HOOK3: variants seen among roughly 807,000 people sequenced by gnomAD.
HOOK3 encodes hook microtubule tethering protein 3.
A neutral mutation model predicts 116.3 loss-of-function variants in HOOK3; 24 were observed. The observed-to-expected ratio is 0.21, with a 90% CI of 0.15 to 0.29. The LOEUF is 0.29. Among genes scored for constraint, HOOK3 ranks in the 10% least tolerant of loss-of-function variants. The pLI is 1.00. For missense variants in HOOK3, 632 were observed against 830.2 expected (o/e 0.76, Z 2.93); for synonymous variants, 275 against 283.0 (o/e 0.97, Z 0.28).
chr8:42,940,196 G>GA (rs571747543), intron 4 of HOOK3, among the ~76,000 whole-genome samples: 7,211 of 152,298 alleles, frequency 0.047, 344 homozygotes, highest in African/African-American at 0.12. Context: ...AGGCACCATT[G>GA]GCACTGAGTG....
chr8:43,029,716 T>C lies in HOOK3; in HGVS notation c.*11218T>C. ...GCCTTAGTTTGATTAATAAATTATA[T>C]CAAAAAACTTGGGGATAGAAAGAGG... On this transcript the variant is annotated 3_prime_UTR_variant, in exon 22 of 22. Transcript: ENST00000307602. The C allele has an allele frequency of 5.1e-6, 1 of 197,364 alleles. No individual in the cohort carries two copies. The highest frequency in any genetic ancestry group is 1.0e-5 in the Non-Finnish European group (1 of 95,286). 12.2% of individuals were successfully genotyped at this position (197,364 alleles called of 1,614,324 possible). A position where few individuals can be genotyped will look rare whatever the true frequency, so the allele number is the denominator to read the frequency against.
In HOOK3 at chr8:42,966,515, G is replaced by C. The variant is rs773314997; in HGVS notation, c.822G>C (p.Glu274Asp). The change falls in exon 10 of 22, where the codon GAG becomes GAC. Residue 274 changes from glutamate (E) to aspartate (D), a missense_variant. Physicochemically the swap from Glu to Asp is conservative, Grantham distance 45. Around this residue, in one of 3 missense-constraint regions of HOOK3, gnomAD observed 483 missense variants for 648.1 expected, o/e 0.75. Transcript: ENST00000307602. ...ATGATTATCGAATACGTTGTGAAGA[G>C]TTAGAAAAGGAGATCTCTGAACTTC... ...AKDDYRIRCE[E>D]LEKEISELRQ... 7.4e-6 allele frequency: 12 copies of C among 1,614,158 alleles called. No homozygotes were observed. Among genetic ancestry groups the C allele is most frequent in the Non-Finnish European group, 9.3e-6 (11 of 1,179,992 alleles).
At chr8:42,926,590 T>C (rs1014906719) in intron 3 of HOOK3, among the ~76,000 whole-genome samples, 1 of 152,192 alleles carries the variant, frequency 6.6e-6, no homozygotes, top group Non-Finnish European at 1.5e-5. Context: ...CCGGCCTATA[T>C]TTTGAAATAA....
intron 6 of HOOK3, among the ~76,000 whole-genome samples, chr8:42,956,265 T>TGTGTG (rs1554512121): frequency 4.6e-4 from 69 of 149,108 alleles, no homozygotes; most frequent in Non-Finnish European, 8.6e-4. Context: ...TGTGTGTGTG[T>TGTGTG]TATCATTAAA....
rs1372547629 is a variant in HOOK3, at chr8:43,019,139, A to G, written c.*641A>G. 1 of 208,522 alleles carries G rather than the reference A, an allele frequency of 4.8e-6. No homozygotes were observed. The highest frequency in any genetic ancestry group is 2.3e-5 in the African/African-American group (1 of 44,062). 12.9% of individuals were successfully genotyped at this position (208,522 alleles called of 1,614,324 possible). A position where few individuals can be genotyped will look rare whatever the true frequency, so the allele number is the denominator to read the frequency against. ...ATTAAATTTGTCCAAAGATTTGGAGACTATTTTTAAAACATAAATACATAA... is the reference window on the plus strand; with the variant it reads ...ATTAAATTTGTCCAAAGATTTGGAGGCTATTTTTAAAACATAAATACATAA... On this transcript the variant is annotated 3_prime_UTR_variant, in exon 22 of 22. Coordinates refer to ENST00000307602, the MANE Select transcript of HOOK3 (RefSeq NM_032410.4).
chr8:42,948,712 A>G (rs973177973), intron 5 of HOOK3, among the ~76,000 whole-genome samples: 2 of 152,292 alleles, frequency 1.3e-5, no homozygotes, highest in Non-Finnish European at 2.9e-5. Flanking sequence ...GATACTTTTG[A>G]ACAGAACATC....
intron 4 of HOOK3, among the ~76,000 whole-genome samples, chr8:42,939,516 C>CG (rs1309212885): frequency 7.1e-6 from 1 of 141,044 alleles, no homozygotes; most frequent in East Asian, 2.2e-4. Context: ...GCTGGCCGGG[C>CG]GGGGGGCTGA....
chr8:42,973,465 C>T (rs138464402), intron 12 of HOOK3, 66 bp downstream of exon 12: 8 of 944,222 alleles, frequency 8.5e-6, no homozygotes, highest in Non-Finnish European at 1.2e-5. Flanking sequence ...ATGTTTAATT[C>T]ATGTTTGGCC....
At chr8:42,971,853 C>A (rs923185074) in intron 11 of HOOK3, among the ~76,000 whole-genome samples, 1 of 151,872 alleles carries the variant, frequency 6.6e-6, no homozygotes, top group African/African-American at 2.4e-5. Flanking sequence ...GCTAAATTTT[C>A]ATATTTTAGT....
intron 4 of HOOK3, among the ~76,000 whole-genome samples, chr8:42,939,389 C>CG (rs1418264685): frequency 1.4e-5 from 2 of 147,064 alleles, no homozygotes; most frequent in East Asian, 2.1e-4. Flanking sequence ...GCTGGCCGGG[C>CG]GGGGGGCTGA....
intron 13 of HOOK3, among the ~76,000 whole-genome samples, chr8:42,977,630 G>A (rs1268395089): frequency 6.6e-6 from 1 of 152,162 alleles, no homozygotes; most frequent in Non-Finnish European, 1.5e-5. Flanking sequence ...ATTTTGGGAG[G>A]CCAAGGCAGG....
intron 17 of HOOK3, among the ~76,000 whole-genome samples, chr8:43,002,490 C>T (rs928318607): frequency 1.3e-5 from 2 of 152,168 alleles, no homozygotes; most frequent in African/African-American, 2.4e-5. Flanking sequence ...GTCACAGCCA[C>T]TCAGCTCTGC....
chr8:42,899,565 C>T (rs73635331), intron 1 of HOOK3, among the ~76,000 whole-genome samples: 7,436 of 152,212 alleles, frequency 0.049, 373 homozygotes, highest in African/African-American at 0.12. Context: ...ATAATATCAC[C>T]CCTCCTATCT....
In HOOK3 at chr8:42,901,780, C is replaced by T. The variant is rs1470122607; in HGVS notation, c.58-4393C>T. 3.3e-5 allele frequency among the ~76,000 whole-genome samples: 5 copies of T among 152,280 alleles called. No individual in the cohort carries two copies. In the East Asian group the frequency reaches 5.8e-4, roughly 18 times the overall value. On this transcript the variant is annotated intron_variant, in intron 1 of 21. Coordinates refer to ENST00000307602, the MANE Select transcript of HOOK3 (RefSeq NM_032410.4). ...AGGCTGGAGTGCAGTGGCACAATCT[C>T]GGCTCACTGCAACCTCCACCTCCTG...
At position 42,906,145 on chromosome 8, in the gene HOOK3, T is replaced by TTCC. The variant is rs371943831; in HGVS notation, c.58-28_58-27insTCC. On this transcript the variant is annotated intron_variant, in intron 1 of 21. Transcript: ENST00000307602. The stretch of plus-strand genomic sequence containing the variant: ...TCTACAGAGGTAACCACAGAATCTC[T>TTCC]CCCCCCCCCCTCTTTTTTTCCCTTC... 5.6e-5 allele frequency: 30 copies of TTCC among 536,932 alleles called. No individual in the cohort carries two copies. In the African/African-American group the frequency reaches 7.8e-4, roughly 14 times the overall value. The allele number at this position is 536,932 out of a possible 1,614,324, so 33.3% of individuals were successfully genotyped here. A position where few individuals can be genotyped will look rare whatever the true frequency, so the allele number is the denominator to read the frequency against.
chr8:42,943,313 AT>A lies in HOOK3; in HGVS notation c.272del (p.Leu91Ter). The A allele has an allele frequency of 1.4e-6, 2 of 1,469,162 alleles. No homozygotes were observed. The highest frequency in any genetic ancestry group is 9.1e-7 in the Non-Finnish European group (1 of 1,101,556). 91.0% of individuals were successfully genotyped at this position (1,469,162 alleles called of 1,614,324 possible). A position where few individuals can be genotyped will look rare whatever the true frequency, so the allele number is the denominator to read the frequency against. ...LKGILDYNHE[I>X]LGQQINDFTL... ...TTATAATCCTTTTATCTCCATTCAG[AT>A]TTTAGGACAGCAAATTAATGACTTT... On this transcript the variant is annotated frameshift_variant and splice_region_variant, in exon 5 of 22. Transcript: ENST00000307602. LOFTEE classifies it high-confidence loss of function.
chr8:42,986,897 C>CT (rs1809058761), intron 15 of HOOK3, 102 bp downstream of exon 15: 1 of 1,263,082 alleles, frequency 7.9e-7, no homozygotes, highest in Admixed American at 2.1e-5. Flanking sequence ...TGGCTCACGC[C>CT]TGTAATCCCA....
intron 6 of HOOK3, among the ~76,000 whole-genome samples, chr8:42,951,043 A>C (rs1808329287): frequency 6.6e-6 from 1 of 151,802 alleles, no homozygotes. Flanking sequence ...ACTAATTCCT[A>C]AAGCTAATAA....
intron 13 of HOOK3, among the ~76,000 whole-genome samples, chr8:42,980,548 A>G (rs911368296): frequency 6.6e-6 from 1 of 152,056 alleles, no homozygotes; most frequent in African/African-American, 2.4e-5. Context: ...ATGGATTAAT[A>G]TGTTAATGGA....
Sources: allele counts gnomAD v4.1 joint callset (sites outside exome capture counted in the v4.1 genomes callset), GRCh38; gene constraint gnomAD v4.1.1; regional missense constraint gnomAD v4.1.1; transcripts MANE v1.5; gene names NCBI Gene and HGNC (gene_info 2026-07-23, HGNC 2026-07-21).